The following ZBTB20 variants were observed in gnomAD, a reference collection of about 807,000 sequenced individuals.
ZBTB20 encodes the protein zinc finger and BTB domain-containing protein 20.
Under a neutral mutation model 56.9 loss-of-function variants are expected in ZBTB20, and 9 were observed. That is an observed-to-expected ratio of 0.16 (90% CI 0.10 to 0.28). ZBTB20 has a LOEUF of 0.28. Ranked by LOEUF, ZBTB20 falls within the 10% of genes least tolerant of loss-of-function variation. ZBTB20 has a pLI of 1.00. For synonymous variants in ZBTB20, 417 were observed against 420.7 expected, an observed-to-expected ratio of 0.99 and a Z score of 0.11; for missense variants, 655 against 1,003.0, an observed-to-expected ratio of 0.65 and a Z score of 4.69.
chr3:114,424,683 G>T (rs2089490705), intron 7 of ZBTB20, among the ~76,000 whole-genome samples: 1 of 152,180 alleles, frequency 6.6e-6, no homozygotes, highest in Non-Finnish European at 1.5e-5. Flanking sequence ...TCCCCTGCAC[G>T]ATCTTACAGT....
chr3:114,687,925 C>T lies in ZBTB20; in HGVS notation c.-295+5603G>A, dbSNP rs59860619. ...AGATCCTTATTATCAAAAGATGTGACGAGAAATCAAAGTCTTCTTAGTGGC... is the reference window on the plus strand; with the variant it reads ...AGATCCTTATTATCAAAAGATGTGATGAGAAATCAAAGTCTTCTTAGTGGC... On this transcript the variant is annotated intron_variant, in intron 6 of 11. Transcript: ENST00000675478. 1.8e-3 allele frequency: 268 copies of T among 152,126 alleles called. 1 individual carries two copies. Among genetic ancestry groups the T allele is most frequent in the African/African-American group, 4.3e-3 (179 of 41,500 alleles). The allele number at this position is 152,126 out of a possible 1,614,324, so 9.4% of individuals were successfully genotyped here.
chr3:114,977,867 G>A (rs2078167998), intron 2 of ZBTB20, among the ~76,000 whole-genome samples: 1 of 151,810 alleles, frequency 6.6e-6, no homozygotes, highest in Non-Finnish European at 1.5e-5. Flanking sequence ...AAAATTAGTT[G>A]GACATGGTGG....
intron 7 of ZBTB20, among the ~76,000 whole-genome samples, chr3:114,484,217 C>T (rs1414772378): frequency 1.3e-5 from 2 of 152,120 alleles, no homozygotes; most frequent in African/African-American, 4.8e-5. Flanking sequence ...TGTAAATATG[C>T]ATCTGCTAGT....
chr3:114,476,479 C>T (rs1186734107), intron 7 of ZBTB20, among the ~76,000 whole-genome samples: 1 of 152,194 alleles, frequency 6.6e-6, no homozygotes, highest in East Asian at 1.9e-4. Flanking sequence ...ATATTTCTCA[C>T]AGTTCTGGAG....
intron 7 of ZBTB20, among the ~76,000 whole-genome samples, chr3:114,428,242 C>T (rs759311614): frequency 2.0e-5 from 3 of 152,094 alleles, no homozygotes; most frequent in Non-Finnish European, 2.9e-5. Flanking sequence ...TTAAAAACCA[C>T]GTTCACAATG....
At position 114,335,005 on chromosome 3, in the gene ZBTB20, A is replaced by C. The variant is rs920667718; in HGVS notation, c.*4000T>G. The C allele has an allele frequency of 6.6e-6, 1 of 152,134 alleles. No homozygotes were observed. The highest frequency in any genetic ancestry group is 2.4e-5 in the African/African-American group (1 of 41,416). 9.4% of individuals were successfully genotyped at this position (152,134 alleles called of 1,614,324 possible). A position where few individuals can be genotyped will look rare whatever the true frequency, so the allele number is the denominator to read the frequency against. ...CACATTTGGGGGCCTTTTTTGTACA[A>C]ATATTGGCATGTAATAAGGAAAAAT... is the stretch of plus-strand genomic sequence containing the variant. On this transcript the variant is annotated 3_prime_UTR_variant, in exon 12 of 12. Coordinates refer to ENST00000675478, the MANE Select transcript of ZBTB20 (RefSeq NM_001348800.3).
intron 11 of ZBTB20, among the ~76,000 whole-genome samples, chr3:114,346,636 C>T (rs2080207184): frequency 6.6e-6 from 1 of 151,426 alleles, no homozygotes. Flanking sequence ...AAAGGTAGAG[C>T]TTAGCTCCAA....
intron 1 of ZBTB20, among the ~76,000 whole-genome samples, chr3:115,097,441 C>G (rs1485885476): frequency 6.6e-6 from 1 of 152,076 alleles, no homozygotes; most frequent in Admixed American, 6.5e-5. Context: ...CTCGGCCTCC[C>G]AAAGTGCCCT....
intron 11 of ZBTB20, among the ~76,000 whole-genome samples, chr3:114,342,491 G>A (rs2079858124): frequency 6.6e-6 from 1 of 152,134 alleles, no homozygotes; most frequent in African/African-American, 2.4e-5. Context: ...ATCCATTTTG[G>A]GCCTATACAG....
At chr3:114,952,201 C>T (rs2077090826) in intron 3 of ZBTB20, among the ~76,000 whole-genome samples, 1 of 152,038 alleles carries the variant, frequency 6.6e-6, no homozygotes, top group South Asian at 2.1e-4. Flanking sequence ...TGTTGAGTAT[C>T]AGGACCTTTA....
intron 7 of ZBTB20, among the ~76,000 whole-genome samples, chr3:114,473,100 G>A (rs1344312057): frequency 6.6e-6 from 1 of 152,198 alleles, no homozygotes; most frequent in Non-Finnish European, 1.5e-5. Flanking sequence ...ATCAATTGCA[G>A]AGCACAGACA....
Position 114,351,592 on chromosome 3 carries a change from C to A in ZBTB20, c.486G>T (p.Val162=). 2 of 1,614,136 alleles carry A rather than the reference C, an allele frequency of 1.2e-6. No homozygotes were observed. The highest frequency in any genetic ancestry group is 1.7e-5 in the Admixed American group (1 of 60,032). The change falls in exon 11 of 12, where the codon GTG becomes GTT. Residue 162 remains valine (V), a synonymous_variant. Coordinates refer to ENST00000675478, the MANE Select transcript of ZBTB20 (RefSeq NM_001348800.3). ...GAGCTTCCGACTGCGAGACCCGTAG[C>A]ACGCCGCTGTACATGAAGTCAATGA... The part of the protein sequence containing the change: ...QKLIDFMYSG[V]LRVSQSEALQ...
intron 6 of ZBTB20, among the ~76,000 whole-genome samples, chr3:114,676,939 T>C (rs1218745132): frequency 6.6e-6 from 1 of 152,088 alleles, no homozygotes; most frequent in Non-Finnish European, 1.5e-5. Flanking sequence ...CACGCCCAGC[T>C]AATTTTTGTA....
intron 4 of ZBTB20, among the ~76,000 whole-genome samples, chr3:114,862,965 GA>G (rs1311122921): frequency 6.6e-6 from 1 of 152,066 alleles, no homozygotes; most frequent in African/African-American, 2.4e-5. Flanking sequence ...GAGGTTCTAG[GA>G]ATAAAGACAA....
At chr3:114,822,444 T>C (rs2073306896) in intron 4 of ZBTB20, among the ~76,000 whole-genome samples, 2 of 151,898 alleles carry the variant, frequency 1.3e-5, no homozygotes, top group Admixed American at 6.6e-5. Context: ...CAAACAGAAA[T>C]TTCAGGAAAT....
chr3:114,755,804 T>C (rs1225534966), intron 5 of ZBTB20, among the ~76,000 whole-genome samples: 2 of 152,124 alleles, frequency 1.3e-5, no homozygotes, highest in African/African-American at 4.8e-5. Context: ...TTCTTTACAG[T>C]GGGAGTTGCT....
At position 114,861,261 on chromosome 3, in the gene ZBTB20, C is replaced by T. The variant is rs544716169; in HGVS notation, c.-417+39043G>A. On this transcript the variant is annotated intron_variant, in intron 4 of 11. Transcript: ENST00000675478. Reference sequence around the variant, plus strand: ...ATTTTTCATAGTATTTATTTTTTTCCGGAAATTATGTACTGCTTATTATCT... The same window carrying T: ...ATTTTTCATAGTATTTATTTTTTTCTGGAAATTATGTACTGCTTATTATCT... Among the ~76,000 whole-genome samples, 110 of 152,020 alleles carry T rather than the reference C, an allele frequency of 7.2e-4. 2 individuals carry two copies. Among genetic ancestry groups the T allele is most frequent in the Admixed American group, 7.2e-4 (11 of 15,258 alleles).
intron 6 of ZBTB20, among the ~76,000 whole-genome samples, chr3:114,537,358 T>C (rs1431792643): frequency 6.6e-6 from 1 of 152,170 alleles, no homozygotes; most frequent in African/African-American, 2.4e-5. Flanking sequence ...AAGAAGACAT[T>C]TATGTGGTCA....
chr3:114,659,137 C>G lies in ZBTB20; in HGVS notation c.-295+34391G>C, dbSNP rs151244922. Among the ~76,000 whole-genome samples the G allele has an allele frequency of 1.3e-3, 200 of 152,298 alleles. 4 individuals carry two copies. Among genetic ancestry groups the G allele is most frequent in the Admixed American group, 0.01 (160 of 15,296 alleles). ...CAGACTATTCGCTTCAAGAACCTAACTAACTTCCTGTTGGTACCCAATCCT... is the reference window on the plus strand; with the variant it reads ...CAGACTATTCGCTTCAAGAACCTAAGTAACTTCCTGTTGGTACCCAATCCT... On this transcript the variant is annotated intron_variant, in intron 6 of 11. Transcript: ENST00000675478.
Sources: allele counts gnomAD v4.1 joint callset (sites outside exome capture counted in the v4.1 genomes callset), GRCh38; gene constraint gnomAD v4.1.1; transcripts MANE v1.5; gene names NCBI Gene and HGNC (gene_info 2026-07-23, HGNC 2026-07-21).